The following CNTN5 variants were observed in gnomAD, a reference collection of about 807,000 sequenced individuals.
The protein encoded by CNTN5 is contactin 5.
CNTN5 carries 77 observed loss-of-function variants against 129.1 expected under a neutral mutation model. The observed-to-expected ratio is 0.60, with a 90% CI of 0.50 to 0.72. CNTN5 has a LOEUF of 0.72. Ranked by LOEUF, CNTN5 falls within the 30% of genes least tolerant of loss-of-function variation. The pLI, the probability that CNTN5 is intolerant of heterozygous loss-of-function variation, is 0.00. For missense variants in CNTN5, 1,478 were observed against 1,328.8 expected, an observed-to-expected ratio of 1.11 and a Z score of -1.75; for synonymous variants, 509 against 465.6, an observed-to-expected ratio of 1.09 and a Z score of -1.20.
intron 3 of CNTN5, among the ~76,000 whole-genome samples, chr11:99,715,526 G>A (rs759923578): frequency 1.2e-4 from 18 of 151,742 alleles, no homozygotes; most frequent in Non-Finnish European, 1.5e-4. Flanking sequence ...GGAAGAACAG[G>A]AAACAGAGTG....
At chr11:99,022,208 A>G (rs532823178) in intron 1 of CNTN5, among the ~76,000 whole-genome samples, 133 of 152,336 alleles carry the variant, frequency 8.7e-4, no homozygotes, top group African/African-American at 3.1e-3. Context: ...TTGATTCTCA[A>G]TTACGACTGT....
intron 1 of CNTN5, among the ~76,000 whole-genome samples, chr11:99,073,366 ATGGTT>A (rs1865417914): frequency 1.1e-5 from 1 of 94,380 alleles, no homozygotes; most frequent in African/African-American, 4.1e-5. Context: ...ATGTCTCTTT[ATGGTT>A]TGGTTTTTTT....
chr11:99,823,893 C>G (rs901144643), intron 4 of CNTN5, among the ~76,000 whole-genome samples: 2 of 151,932 alleles, frequency 1.3e-5, no homozygotes, highest in African/African-American at 2.4e-5. Context: ...ATGTACTGTT[C>G]TTTAAAATTT....
intron 6 of CNTN5, among the ~76,000 whole-genome samples, chr11:99,897,670 T>C (rs1949242754): frequency 6.6e-6 from 1 of 152,166 alleles, no homozygotes; most frequent in African/African-American, 2.4e-5. Context: ...AACTAAAGGA[T>C]GATACTTGGC....
intron 6 of CNTN5, among the ~76,000 whole-genome samples, chr11:99,899,588 G>T (rs1362320635): frequency 1.3e-5 from 2 of 152,012 alleles, no homozygotes; most frequent in South Asian, 2.1e-4. Context: ...TTTGATCATG[G>T]CAAATTATCT....
intron 2 of CNTN5, among the ~76,000 whole-genome samples, chr11:99,369,885 A>T (rs570581193): frequency 1.0e-3 from 153 of 151,612 alleles, no homozygotes; most frequent in African/African-American, 3.2e-3. Context: ...TAGCTAATTT[A>T]AAAAAAAATT....
intron 8 of CNTN5, among the ~76,000 whole-genome samples, chr11:99,970,613 T>C (rs1006453063): frequency 9.2e-5 from 14 of 152,200 alleles, no homozygotes; most frequent in Non-Finnish European, 2.9e-5. Flanking sequence ...TAGTAAAGGT[T>C]AGCTATTAAC....
chr11:99,339,928 C>G (rs1296548202), intron 2 of CNTN5, among the ~76,000 whole-genome samples: 1 of 151,616 alleles, frequency 6.6e-6, no homozygotes, highest in Non-Finnish European at 1.5e-5. Context: ...AAAAATACAT[C>G]AGTGTGAGAT....
At chr11:99,147,920 A>G (rs944025494) in intron 1 of CNTN5, among the ~76,000 whole-genome samples, 10 of 152,088 alleles carry the variant, frequency 6.6e-5, no homozygotes, top group African/African-American at 1.2e-4. Flanking sequence ...ACGTATTTAT[A>G]TGTTAATTTT....
At chr11:99,332,223 T>C (rs1308114350) in intron 2 of CNTN5, among the ~76,000 whole-genome samples, 1 of 152,130 alleles carries the variant, frequency 6.6e-6, no homozygotes, top group Non-Finnish European at 1.5e-5. Context: ...TTTAACCCTA[T>C]CTGGCATGCC....
intron 3 of CNTN5, among the ~76,000 whole-genome samples, chr11:99,610,586 T>C (rs181166039): frequency 1.6e-4 from 25 of 152,294 alleles, no homozygotes; most frequent in African/African-American, 6.0e-4. Context: ...GTGACATTTA[T>C]ATAATTATCA....
At chr11:100,291,879 A>C (rs1335849071) in intron 18 of CNTN5, among the ~76,000 whole-genome samples, 1 of 151,612 alleles carries the variant, frequency 6.6e-6, no homozygotes, top group Non-Finnish European at 1.5e-5. Flanking sequence ...TAGAGGTTAA[A>C]ACAAACAAAC....
At chr11:100,024,991 T>A (rs1245002769) in intron 9 of CNTN5, among the ~76,000 whole-genome samples, 1 of 152,200 alleles carries the variant, frequency 6.6e-6, no homozygotes, top group Non-Finnish European at 1.5e-5. Context: ...CTGCAAAAAC[T>A]TTTATAGCTA....
intron 13 of CNTN5, among the ~76,000 whole-genome samples, chr11:100,109,255 G>A (rs1317560422): frequency 2.0e-5 from 3 of 152,140 alleles, no homozygotes; most frequent in Non-Finnish European, 4.4e-5. Flanking sequence ...GCGAAACCCT[G>A]TCTCTACTAA....
intron 3 of CNTN5, among the ~76,000 whole-genome samples, chr11:99,804,764 A>G (rs891031682): frequency 2.6e-5 from 4 of 151,060 alleles, no homozygotes; most frequent in African/African-American, 7.3e-5. Flanking sequence ...GTTTATAGAT[A>G]GAAGTACATC....
intron 8 of CNTN5, among the ~76,000 whole-genome samples, chr11:99,997,546 A>G (rs1338551512): frequency 6.6e-6 from 1 of 152,224 alleles, no homozygotes; most frequent in Admixed American, 6.5e-5. Context: ...CCAGGACGAG[A>G]TGGATTCACA....
intron 1 of CNTN5, among the ~76,000 whole-genome samples, chr11:99,247,091 G>T (rs17659929): frequency 6.6e-6 from 1 of 151,990 alleles, no homozygotes; most frequent in Non-Finnish European, 1.5e-5. Flanking sequence ...AGAATTTTCT[G>T]TGTGTCTGGC....
chr11:99,565,854 A>C (rs1264756550), intron 3 of CNTN5, among the ~76,000 whole-genome samples: 1 of 152,182 alleles, frequency 6.6e-6, no homozygotes, highest in East Asian at 1.9e-4. Flanking sequence ...TTCAGAGGGC[A>C]GAAGGGAAGT....
intron 3 of CNTN5, among the ~76,000 whole-genome samples, chr11:99,732,478 A>G (rs1381665803): frequency 7.0e-6 from 1 of 143,248 alleles, no homozygotes; most frequent in African/African-American, 2.5e-5. Context: ...AGTTCTAAAA[A>G]TAAGCCTTAA....
Sources: allele counts gnomAD v4.1 joint callset (sites outside exome capture counted in the v4.1 genomes callset), GRCh38; gene constraint gnomAD v4.1.1; transcripts MANE v1.5; gene names NCBI Gene and HGNC (gene_info 2026-07-23, HGNC 2026-07-21).